Variants in EXTL2 observed in about 807,000 individuals in gnomAD.
EXTL2 encodes exostosin-like 2.
In EXTL2, 23 loss-of-function variants were observed where a neutral mutation model predicts 30.7. The ratio of observed to expected loss-of-function variants is 0.75; its 90% CI spans 0.54 to 1.06. The LOEUF (loss-of-function observed/expected upper bound fraction) is 1.06. Ranked by LOEUF, EXTL2 falls within the 50% of genes least tolerant of loss-of-function variation. EXTL2 has a pLI of 0.00. For missense variants in EXTL2, 352 were observed against 396.3 expected, an observed-to-expected ratio of 0.89 and a Z score of 0.95; for synonymous variants, 123 against 133.8, an observed-to-expected ratio of 0.92 and a Z score of 0.56.
At chr1:100,887,389 T>C (rs1650048564) in intron 2 of EXTL2, among the ~76,000 whole-genome samples, 1 of 152,250 alleles carries the variant, frequency 6.6e-6, no homozygotes, top group Non-Finnish European at 1.5e-5. Flanking sequence ...CAAATATTTA[T>C]AGGTATTTAC....
chr1:100,873,991 A>C lies in EXTL2; in HGVS notation c.944T>G (p.Met315Arg). ...DSMPLRYSNI[M>R]ISQFGFPYAN... ...ATATGGAAAACCAAACTGGGAAATCATAATGTTGGAGTATCTTAAGGGCAT... is the reference window on the plus strand; with the variant it reads ...ATATGGAAAACCAAACTGGGAAATCCTAATGTTGGAGTATCTTAAGGGCAT... The change falls in exon 5 of 5, where the codon ATG becomes AGG. Residue 315 changes from methionine (M) to arginine (R), a missense_variant. Met to Arg is a moderately conservative substitution (Grantham distance 91). Coordinates refer to ENST00000370114, the MANE Select transcript of EXTL2 (RefSeq NM_001033025.3). 6.3e-7 allele frequency: 1 copy of C among 1,587,564 alleles called. No individual in the cohort carries two copies. Among genetic ancestry groups the C allele is most frequent in the Middle Eastern group, 1.7e-4 (1 of 5,904 alleles).
At chr1:100,876,726 T>C in intron 4 of EXTL2, 68 bp downstream of exon 4, 1 of 1,018,262 alleles carries the variant, frequency 9.8e-7, no homozygotes, top group East Asian at 2.4e-5. Context: ...ATATTAACCA[T>C]GTTGCCGTGG....
At chr1:100,893,860 A>C (rs1172752393) in intron 1 of EXTL2, among the ~76,000 whole-genome samples, 1 of 152,210 alleles carries the variant, frequency 6.6e-6, no homozygotes, top group Non-Finnish European at 1.5e-5. Flanking sequence ...CCTCATGGGA[A>C]TACCTATCAT....
At chr1:100,880,306 T>A (rs1457801321) in intron 2 of EXTL2, among the ~76,000 whole-genome samples, 1 of 152,178 alleles carries the variant, frequency 6.6e-6, no homozygotes, top group Non-Finnish European at 1.5e-5. Context: ...CAGCTCTCAC[T>A]TTTCAACAGT....
rs1208127760 is a variant in EXTL2, at chr1:100,872,915, G to GT, written c.*1026dup. The GT allele has an allele frequency of 6.6e-6, 1 of 151,956 alleles. No homozygotes were observed. The highest frequency in any genetic ancestry group is 1.5e-5 in the Non-Finnish European group (1 of 67,922). 9.4% of individuals were successfully genotyped at this position (151,956 alleles called of 1,614,324 possible). A position where few individuals can be genotyped will look rare whatever the true frequency, so the allele number is the denominator to read the frequency against. ...ACTGGGTTCTTATTTTCTCCTCCTTGTATGTAGTTGAAATTTCATCATTAT... is the reference window on the plus strand; with the variant it reads ...ACTGGGTTCTTATTTTCTCCTCCTTGTTATGTAGTTGAAATTTCATCATTAT... On this transcript the variant is annotated 3_prime_UTR_variant, in exon 5 of 5. Transcript: ENST00000370114.
At chr1:100,880,690 T>C (rs1045762202) in intron 2 of EXTL2, among the ~76,000 whole-genome samples, 5 of 152,194 alleles carry the variant, frequency 3.3e-5, no homozygotes, top group Non-Finnish European at 5.9e-5. Flanking sequence ...ACACATATTT[T>C]CAGTTCTACA....
chr1:100,882,411 G>T (rs1649633570), intron 2 of EXTL2, among the ~76,000 whole-genome samples: 1 of 152,204 alleles, frequency 6.6e-6, no homozygotes, highest in Non-Finnish European at 1.5e-5. Flanking sequence ...CTACATATAG[G>T]TTGCCTAATA....
chr1:100,879,227 A>G (rs950831360), intron 2 of EXTL2, among the ~76,000 whole-genome samples: 4 of 151,980 alleles, frequency 2.6e-5, no homozygotes, highest in African/African-American at 4.8e-5. Flanking sequence ...CTGTTTTTCA[A>G]TCTTCTGCTA....
At chr1:100,878,546 G>T in intron 2 of EXTL2, 1 of 456,358 alleles carries the variant, frequency 2.2e-6, no homozygotes, top group East Asian at 7.1e-5. Flanking sequence ...AAATTCAAAA[G>T]ATAATCTGGG....
chr1:100,877,968 T>A lies in EXTL2; in HGVS notation c.6-65A>T. 8.1e-7 allele frequency: 1 copy of A among 1,239,334 alleles called. No homozygotes were observed. Among genetic ancestry groups the A allele is most frequent in the Non-Finnish European group, 1.1e-6 (1 of 897,900 alleles). 76.8% of individuals were successfully genotyped at this position (1,239,334 alleles called of 1,614,324 possible). A position where few individuals can be genotyped will look rare whatever the true frequency, so the allele number is the denominator to read the frequency against. Reference sequence around the variant, plus strand: ...CTTACGAGTCCCTGTGTTTTCATGTTTTTTTCCAATGAGGAAAGATATCAA... The same window carrying A: ...CTTACGAGTCCCTGTGTTTTCATGTATTTTTCCAATGAGGAAAGATATCAA... On this transcript the variant is annotated intron_variant, in intron 2 of 4. Coordinates refer to ENST00000370114, the MANE Select transcript of EXTL2 (RefSeq NM_001033025.3). This position sits in a 1 kb window ranked among gnomAD's most constrained non-coding sequence, Gnocchi z 4.1.
At chr1:100,888,147 C>T (rs1650128170) in intron 2 of EXTL2, among the ~76,000 whole-genome samples, 1 of 152,190 alleles carries the variant, frequency 6.6e-6, no homozygotes, top group African/African-American at 2.4e-5. Context: ...TCAGTATTTT[C>T]TAAGATTTTG....
chr1:100,874,524 G>A, intron 4 of EXTL2, 94 bp from the exon 5 acceptor site: 1 of 1,027,688 alleles, frequency 9.7e-7, no homozygotes, highest in Non-Finnish European at 1.4e-6. Context: ...GAATGAAACT[G>A]ATTTGTCAAC....
intron 2 of EXTL2, among the ~76,000 whole-genome samples, chr1:100,884,283 T>A (rs77228043): frequency 1.3e-5 from 2 of 152,340 alleles, no homozygotes; most frequent in East Asian, 3.9e-4. Context: ...ACTGTCCAGA[T>A]TGTTTCTCCT....
At chr1:100,882,751 G>A (rs764151316) in intron 2 of EXTL2, among the ~76,000 whole-genome samples, 14 of 152,212 alleles carry the variant, frequency 9.2e-5, no homozygotes, top group South Asian at 2.1e-4. Flanking sequence ...GAGCCAAGAC[G>A]TTGAGGCTGC....
intron 1 of EXTL2, among the ~76,000 whole-genome samples, chr1:100,891,343 T>C (rs1650408985): frequency 6.6e-6 from 1 of 152,198 alleles, no homozygotes; most frequent in South Asian, 2.1e-4. Context: ...CCTTGCCTGC[T>C]ACCTAGACCG....
At position 100,876,850 on chromosome 1, in the gene EXTL2, C is replaced by T. The variant is rs570458833; in HGVS notation, c.448G>A (p.Asp150Asn). 5.0e-6 allele frequency: 8 copies of T among 1,611,402 alleles called. No individual in the cohort carries two copies. Among genetic ancestry groups the T allele is most frequent in the African/African-American group, 1.3e-5 (1 of 74,890 alleles). The change falls in exon 4 of 5, where the codon GAT becomes AAT. Residue 150 changes from aspartate (D) to asparagine (N), a missense_variant. Physicochemically the swap from Asp to Asn is conservative, Grantham distance 23. Coordinates refer to ENST00000370114, the MANE Select transcript of EXTL2 (RefSeq NM_001033025.3). ...GGGGTGCTGATGAGTGTGTCATCAT[C>T]TACCATCAACACTGCTAAAATGAAA... ...ELETNAVLMV[D>N]DDTLISTPDL...
At chr1:100,895,096 C>A (rs1486182053), upstream of EXTL2, 3 of 152,282 alleles carry the variant, frequency 2.0e-5, no homozygotes, top group Non-Finnish European at 4.4e-5. Flanking sequence ...CTCTCCTCCC[C>A]GCGCTCCACA....
In EXTL2 at chr1:100,881,472, A is replaced by G. The variant is rs10493938; in HGVS notation, c.6-3569T>C. The stretch of plus-strand genomic sequence containing the variant: ...ACTTGGGAAGAACTAAGAAGTAAAC[A>G]TAAGCACCTCAGTTCTCTTGCCCTC... On this transcript the variant is annotated intron_variant, in intron 2 of 4. Coordinates refer to ENST00000370114, the MANE Select transcript of EXTL2 (RefSeq NM_001033025.3). Among the ~76,000 whole-genome samples the G allele has an allele frequency of 3.9e-3, 598 of 152,356 alleles. 1 individual carries two copies. The highest frequency in any genetic ancestry group is 0.025 in the South Asian group (121 of 4,832).
At chr1:100,887,491 T>C (rs1650055493) in intron 2 of EXTL2, among the ~76,000 whole-genome samples, 1 of 152,222 alleles carries the variant, frequency 6.6e-6, no homozygotes, top group South Asian at 2.1e-4. Flanking sequence ...ATGAAAGTTG[T>C]CAGAGCTCTC....
Sources: gnomAD v4.1 joint callset for allele counts (sites outside exome capture counted in the v4.1 genomes callset) on GRCh38, gnomAD v4.1.1 for gene constraint, Gnocchi (gnomAD v3.1) non-coding constraint, MANE v1.5 for transcripts, NCBI Gene and HGNC (gene_info 2026-07-23, HGNC 2026-07-21) for gene names.